Variants in PRIM2 observed in about 807,000 individuals in gnomAD.
PRIM2 encodes DNA primase large subunit.
A neutral mutation model predicts 67.3 loss-of-function variants in PRIM2; 39 were observed. That is an observed-to-expected ratio of 0.58 (90% confidence interval 0.45 to 0.76). The LOEUF is 0.76. Ranked by LOEUF, PRIM2 falls within the 30% of genes least tolerant of loss-of-function variation. The pLI, the probability that PRIM2 is intolerant of heterozygous loss-of-function variation, is 0.00. For missense variants in PRIM2, 398 were observed against 598.7 expected (o/e 0.66, Z 3.50); for synonymous variants, 143 against 198.7 (o/e 0.72, Z 2.36).
upstream of PRIM2, among the ~76,000 whole-genome samples, chr6:57,312,555 T>A (rs1581780796): frequency 6.6e-6 from 1 of 152,322 alleles, no homozygotes; most frequent in African/African-American, 2.4e-5. Flanking sequence ...AGTTCTTAAT[T>A]TAATGTAGTT....
intron 7 of PRIM2, among the ~76,000 whole-genome samples, chr6:57,505,588 A>C (rs1774233405): frequency 6.6e-6 from 1 of 152,200 alleles, no homozygotes. Flanking sequence ...AGATGATTTT[A>C]ATTAGGGGTG....
intron 10 of PRIM2, among the ~76,000 whole-genome samples, chr6:57,591,356 T>A (rs1776278882): frequency 6.6e-6 from 1 of 152,094 alleles, no homozygotes; most frequent in African/African-American, 2.4e-5. Flanking sequence ...CATAAGGTGG[T>A]TTCCTGACCT....
chr6:57,291,781 C>T, the PRIM2 span, among the ~76,000 whole-genome samples: 27 of 152,084 alleles, frequency 1.8e-4, no homozygotes, highest in Non-Finnish European at 3.2e-4. Flanking sequence ...AAAAGGCCTT[C>T]GATAAAATTC....
the PRIM2 span, among the ~76,000 whole-genome samples, chr6:57,286,582 C>T: frequency 1.2e-4 from 18 of 152,218 alleles, no homozygotes; most frequent in African/African-American, 4.3e-4. Context: ...TGGATCCATG[C>T]CTTACACCTT....
chr6:57,359,282 G>A lies in PRIM2; in HGVS notation c.460-20619G>A, dbSNP rs533509410. On this transcript the variant is annotated intron_variant, in intron 5 of 13. Coordinates refer to ENST00000615550, the MANE Select transcript of PRIM2 (RefSeq NM_000947.5). ...ATTAAGAATTCTAAGTAGACTTGATGGAGAATCTGTTCTGAAACCTGGCAG... is the reference window on the plus strand; with the variant it reads ...ATTAAGAATTCTAAGTAGACTTGATAGAGAATCTGTTCTGAAACCTGGCAG... Among the ~76,000 whole-genome samples, 95 of 152,348 alleles carry A rather than the reference G, an allele frequency of 6.2e-4. 2 individuals carry two copies. The East Asian group carries it at 0.018, about 28-fold the overall frequency.
chr6:57,316,956 G>A (rs1767498836), upstream of PRIM2, among the ~76,000 whole-genome samples: 1 of 152,176 alleles, frequency 6.6e-6, no homozygotes, highest in Non-Finnish European at 1.5e-5. Flanking sequence ...ATTCAGCTGC[G>A]CGCTTCCTCT....
chr6:57,381,519 CTTA>C (rs898361398), intron 6 of PRIM2, among the ~76,000 whole-genome samples: 1 of 140,008 alleles, frequency 7.1e-6, no homozygotes, highest in Non-Finnish European at 1.5e-5. Context: ...AAACTGAATG[CTTA>C]TTATTTCCAT....
At chr6:57,278,184 G>A in the PRIM2 span, among the ~76,000 whole-genome samples, 5 of 150,302 alleles carry the variant, frequency 3.3e-5, no homozygotes, top group East Asian at 7.9e-4. Flanking sequence ...AAAATTAGCC[G>A]GGTGTGGTAG....
chr6:57,395,787 T>C (rs1283118568), intron 7 of PRIM2, among the ~76,000 whole-genome samples: 2 of 152,166 alleles, frequency 1.3e-5, no homozygotes, highest in Non-Finnish European at 2.9e-5. Flanking sequence ...GTCTTTTTGA[T>C]GTAGGCATTT....
chr6:57,570,891 A>C (rs1320307006), intron 10 of PRIM2, among the ~76,000 whole-genome samples: 17 of 152,274 alleles, frequency 1.1e-4, no homozygotes, highest in African/African-American at 4.1e-4. Context: ...TGTAAAGCTG[A>C]GGAGCATTTT....
chr6:57,237,431 T>A, the PRIM2 span, among the ~76,000 whole-genome samples: 1 of 152,316 alleles, frequency 6.6e-6, no homozygotes, highest in East Asian at 1.9e-4. Context: ...TAGATCCCAT[T>A]TTTCAATTTT....
At chr6:57,602,536 A>T (rs1271681987) in intron 11 of PRIM2, among the ~76,000 whole-genome samples, 1 of 152,184 alleles carries the variant, frequency 6.6e-6, no homozygotes, top group Non-Finnish European at 1.5e-5. Context: ...CTGTTGAGGA[A>T]GCCTGAAGCC....
At chr6:57,264,516 T>C in the PRIM2 span, among the ~76,000 whole-genome samples, 1 of 151,952 alleles carries the variant, frequency 6.6e-6, no homozygotes, top group Non-Finnish European at 1.5e-5. Flanking sequence ...ATTTTATCAT[T>C]GAATACACTG....
At chr6:57,525,619 A>G (rs1774733821) in intron 8 of PRIM2, among the ~76,000 whole-genome samples, 1 of 152,200 alleles carries the variant, frequency 6.6e-6, no homozygotes, top group Non-Finnish European at 1.5e-5. Flanking sequence ...CAACATTCTA[A>G]TAACATTCTA....
chr6:57,472,258 C>T (rs1354043361), intron 7 of PRIM2, among the ~76,000 whole-genome samples: 3 of 152,040 alleles, frequency 2.0e-5, no homozygotes, highest in Middle Eastern at 3.4e-3. Context: ...AGTGAAACCC[C>T]GTCTCTACTA....
At chr6:57,427,863 T>C (rs1771683976) in intron 7 of PRIM2, among the ~76,000 whole-genome samples, 1 of 152,178 alleles carries the variant, frequency 6.6e-6, no homozygotes, top group South Asian at 2.1e-4. Context: ...TAATGCTGCT[T>C]TTCCTTGAAA....
At chr6:57,403,249 ATTTTTTTTTTTTTTTTT>A (rs71299587) in intron 7 of PRIM2, among the ~76,000 whole-genome samples, 1 of 110,204 alleles carries the variant, frequency 9.1e-6, no homozygotes, top group South Asian at 2.8e-4. Flanking sequence ...CAGGTGAAGA[ATTTTTTTTTTTTTTTTT>A]TTTTTTTGGA....
At chr6:57,629,441 G>A (rs1777007304) in intron 12 of PRIM2, among the ~76,000 whole-genome samples, 1 of 152,072 alleles carries the variant, frequency 6.6e-6, no homozygotes, top group Non-Finnish European at 1.5e-5. Flanking sequence ...TAGTTATTTA[G>A]GAAATCAGTT....
At chr6:57,394,359 C>T (rs1770451854) in intron 7 of PRIM2, among the ~76,000 whole-genome samples, 1 of 151,980 alleles carries the variant, frequency 6.6e-6, no homozygotes, top group Non-Finnish European at 1.5e-5. Flanking sequence ...TGCGGTTTTC[C>T]TTGTAGAGGT....
Sources: allele counts gnomAD v4.1 joint callset (sites outside exome capture counted in the v4.1 genomes callset), GRCh38; gene constraint gnomAD v4.1.1; transcripts MANE v1.5; gene names NCBI Gene and HGNC (gene_info 2026-07-23, HGNC 2026-07-21).